The following PPM1L variants were observed in gnomAD, a reference collection of about 807,000 sequenced individuals.
The protein encoded by PPM1L is protein phosphatase, Mg2+/Mn2+ dependent 1L, also known as protein phosphatase 1L.
A neutral mutation model predicts 31.4 loss-of-function variants in PPM1L; 13 were observed. The observed-to-expected ratio is 0.41, with a 90% CI of 0.27 to 0.66. The LOEUF is 0.66. Among genes scored for constraint, PPM1L ranks in the 30% least tolerant of loss-of-function variants. The pLI, the probability that PPM1L is intolerant of heterozygous loss-of-function variation, is 0.29. For missense variants in PPM1L, 326 were observed against 453.7 expected (o/e 0.72, Z 2.56); for synonymous variants, 184 against 175.4 (o/e 1.05, Z -0.39).
At chr3:160,922,507 C>T (rs17826438) in intron 1 of PPM1L, among the ~76,000 whole-genome samples, 54,976 of 152,074 alleles carry the variant, frequency 0.36, 12,712 homozygotes, top group Non-Finnish European at 0.52. Context: ...CATCACCCAC[C>T]AGGTTCATCA....
At chr3:160,917,073 G>A (rs1017270739) in intron 1 of PPM1L, among the ~76,000 whole-genome samples, 1 of 152,120 alleles carries the variant, frequency 6.6e-6, no homozygotes, top group Admixed American at 6.5e-5. Flanking sequence ...GACAAGAGAG[G>A]GAATTAGGAT....
chr3:160,778,757 G>T (rs1300704068), intron 1 of PPM1L, among the ~76,000 whole-genome samples: 1 of 152,120 alleles, frequency 6.6e-6, no homozygotes, highest in African/African-American at 2.4e-5. Flanking sequence ...AGAGGCCAGA[G>T]ATGCTACTAA....
chr3:161,053,625 A>G (rs897013659), intron 2 of PPM1L, among the ~76,000 whole-genome samples: 2 of 152,228 alleles, frequency 1.3e-5, no homozygotes, highest in Non-Finnish European at 2.9e-5. Context: ...ACACTCCGTC[A>G]GATTCTGAAA....
chr3:160,847,883 G>C (rs1205937608), intron 1 of PPM1L, among the ~76,000 whole-genome samples: 1 of 152,048 alleles, frequency 6.6e-6, no homozygotes, highest in Non-Finnish European at 1.5e-5. Context: ...CTCCTTCCTC[G>C]GGTCTCAGCT....
intron 1 of PPM1L, among the ~76,000 whole-genome samples, chr3:160,851,210 C>T (rs1711509998): frequency 6.6e-6 from 1 of 152,234 alleles, no homozygotes; most frequent in Admixed American, 6.5e-5. Context: ...AGAGGGGTAG[C>T]TCCTGTTGTC....
intron 1 of PPM1L, among the ~76,000 whole-genome samples, chr3:160,845,939 TAAATAG>T (rs1308209122): frequency 6.6e-6 from 1 of 151,884 alleles, no homozygotes; most frequent in Non-Finnish European, 1.5e-5. Context: ...AGAAGAAAAA[TAAATAG>T]AAAGTAGAAA....
chr3:161,038,636 TC>T (rs1228966538), intron 2 of PPM1L, among the ~76,000 whole-genome samples: 2 of 148,238 alleles, frequency 1.3e-5, no homozygotes, highest in African/African-American at 4.9e-5. Context: ...CATCCTGACA[TC>T]TTTTTCATTC....
intron 1 of PPM1L, among the ~76,000 whole-genome samples, chr3:160,860,206 C>T (rs1466403424): frequency 3.3e-5 from 5 of 152,092 alleles, no homozygotes; most frequent in Non-Finnish European, 7.4e-5. Context: ...AATAAAGAAG[C>T]AAGTTTTAGT....
chr3:160,870,820 A>T (rs1712276667), intron 1 of PPM1L, among the ~76,000 whole-genome samples: 1 of 152,236 alleles, frequency 6.6e-6, no homozygotes, highest in Admixed American at 6.5e-5. Context: ...GTAATATTTC[A>T]TTGAAATAAA....
intron 2 of PPM1L, among the ~76,000 whole-genome samples, chr3:161,033,665 T>A (rs1234188338): frequency 1.3e-5 from 2 of 152,176 alleles, no homozygotes; most frequent in Non-Finnish European, 2.9e-5. Context: ...ATGCACCCCT[T>A]CCTTATACCT....
chr3:160,995,993 AT>A (rs1559917648), intron 2 of PPM1L, among the ~76,000 whole-genome samples: 2 of 152,196 alleles, frequency 1.3e-5, no homozygotes, highest in Admixed American at 1.3e-4. Context: ...TGAATAGACA[AT>A]TCTCAAAAGA....
At chr3:161,043,040 A>ATGT (rs1371988093) in intron 2 of PPM1L, among the ~76,000 whole-genome samples, 9 of 104,128 alleles carry the variant, frequency 8.6e-5, no homozygotes, top group African/African-American at 3.6e-4. Flanking sequence ...AAAAATTGTT[A>ATGT]TTTTTTTTTT....
At position 160,861,126 on chromosome 3, in the gene PPM1L, C is replaced by T. The variant is rs141918706; in HGVS notation, c.400-100610C>T. On this transcript the variant is annotated intron_variant, in intron 1 of 3. Coordinates refer to ENST00000498165, the MANE Select transcript of PPM1L (RefSeq NM_139245.4). ...AGGTCACGTAGTGTATCATCAGTGG[C>T]GCAGCTGGGAATAAAACCTTTATTT... Among the ~76,000 whole-genome samples the T allele has an allele frequency of 2.8e-3, 429 of 152,264 alleles. 4 individuals carry two copies. Among genetic ancestry groups the T allele is most frequent in the Middle Eastern group, 0.01 (3 of 294 alleles).
At chr3:160,835,314 C>T (rs1221432781) in intron 1 of PPM1L, among the ~76,000 whole-genome samples, 1 of 151,776 alleles carries the variant, frequency 6.6e-6, no homozygotes, top group Admixed American at 6.6e-5. Flanking sequence ...AATGAGTATC[C>T]ACATCTCATT....
In PPM1L at chr3:160,835,076, C is replaced by T. The variant is rs569314762; in HGVS notation, c.399+78369C>T. On this transcript the variant is annotated intron_variant, in intron 1 of 3. Transcript: ENST00000498165. ...TCTTCTTCTTCTTCTTCTTCTTCTTCTTCTTCTTCTTTCTTTTTTCTTTCT... is the reference window on the plus strand; with the variant it reads ...TCTTCTTCTTCTTCTTCTTCTTCTTTTTCTTCTTCTTTCTTTTTTCTTTCT... 1.4e-3 allele frequency among the ~76,000 whole-genome samples: 196 copies of T among 143,100 alleles called. 1 individual carries two copies. Among genetic ancestry groups the T allele is most frequent in the African/African-American group, 4.7e-3 (183 of 38,738 alleles). 93.9% of individuals were successfully genotyped at this position (143,100 alleles called of 152,430 possible).
chr3:160,770,858 TA>T (rs1715233731), intron 1 of PPM1L, among the ~76,000 whole-genome samples: 1 of 152,306 alleles, frequency 6.6e-6, no homozygotes, highest in South Asian at 2.1e-4. Flanking sequence ...CCCTAGTTTC[TA>T]CTATCTGTCC....
chr3:160,914,724 A>G lies in PPM1L; in HGVS notation c.400-47012A>G, dbSNP rs186313618. 9.2e-5 allele frequency among the ~76,000 whole-genome samples: 14 copies of G among 152,098 alleles called. No individual in the cohort carries two copies. In the East Asian group the frequency reaches 2.5e-3, roughly 27 times the overall value. On this transcript the variant is annotated intron_variant, in intron 1 of 3. Transcript: ENST00000498165. Reference sequence around the variant, plus strand: ...TTTGGCTTGGTTCCAAGTCTTTGCTATTGTGAATAGTGCCGCACTAAACAT... The same window carrying G: ...TTTGGCTTGGTTCCAAGTCTTTGCTGTTGTGAATAGTGCCGCACTAAACAT...
chr3:160,774,030 G>A (rs1256743545), intron 1 of PPM1L, among the ~76,000 whole-genome samples: 2 of 151,948 alleles, frequency 1.3e-5, no homozygotes, highest in African/African-American at 4.8e-5. Context: ...CTGAGCACAG[G>A]GCTCCCCTTC....
intron 2 of PPM1L, among the ~76,000 whole-genome samples, chr3:161,001,859 T>C (rs1370405567): frequency 1.3e-5 from 2 of 152,176 alleles, no homozygotes; most frequent in African/African-American, 4.8e-5. Context: ...TATTATACTT[T>C]AGGTTTTAGG....
Sources: allele counts gnomAD v4.1 joint callset (sites outside exome capture counted in the v4.1 genomes callset), GRCh38; gene constraint gnomAD v4.1.1; transcripts MANE v1.5; gene names NCBI Gene and HGNC (gene_info 2026-07-23, HGNC 2026-07-21).